Variants in AKR1D1 observed in about 807,000 individuals in gnomAD.
AKR1D1 encodes the protein delta(4)-3-ketosteroid 5-beta-reductase.
In AKR1D1, 32 loss-of-function variants were observed where a neutral mutation model predicts 42.6. The observed-to-expected ratio is 0.75, with a 90% confidence interval of 0.57 to 1.01. The LOEUF is 1.01. Ranked by LOEUF, AKR1D1 falls within the 50% of genes least tolerant of loss-of-function variation. AKR1D1 has a pLI of 0.00. For missense variants in AKR1D1, 364 were observed against 402.2 expected, an observed-to-expected ratio of 0.91 and a Z score of 0.81; for synonymous variants, 123 against 135.5, an observed-to-expected ratio of 0.91 and a Z score of 0.64.
intron 5 of AKR1D1, 21 bp downstream of exon 5, chr7:138,105,450 C>T (rs1170333682): frequency 6.2e-7 from 1 of 1,613,504 alleles, no homozygotes; most frequent in East Asian, 2.2e-5. Flanking sequence ...ATAGCTTCCA[C>T]TAGGGTGTGG....
At chr7:138,104,504 C>A (rs1176776664) in intron 4 of AKR1D1, among the ~76,000 whole-genome samples, 1 of 151,974 alleles carries the variant, frequency 6.6e-6, no homozygotes, top group African/African-American at 2.4e-5. Context: ...TCGAGACCAG[C>A]CTAACCAACA....
chr7:138,094,507 C>T (rs1382220473), intron 3 of AKR1D1, among the ~76,000 whole-genome samples: 1 of 151,578 alleles, frequency 6.6e-6, no homozygotes, highest in Non-Finnish European at 1.5e-5. Flanking sequence ...AGAGCAAGAC[C>T]CTGTCTTGGA....
At chr7:138,081,845 G>C (rs1439811146) in intron 1 of AKR1D1, among the ~76,000 whole-genome samples, 1 of 151,992 alleles carries the variant, frequency 6.6e-6, no homozygotes, top group Non-Finnish European at 1.5e-5. Context: ...GCCTCCCAAA[G>C]TGCTGGGATT....
intron 3 of AKR1D1, among the ~76,000 whole-genome samples, chr7:138,094,512 C>T (rs537163538): frequency 1.4e-4 from 21 of 151,188 alleles, no homozygotes; most frequent in Non-Finnish European, 2.1e-4. Context: ...AAGACCCTGT[C>T]TTGGAAAAAA....
intron 1 of AKR1D1, among the ~76,000 whole-genome samples, chr7:138,086,135 C>T (rs929323368): frequency 2.6e-5 from 4 of 151,888 alleles, no homozygotes; most frequent in Non-Finnish European, 5.9e-5. Context: ...TCTGGGAAGC[C>T]GAGGCTGCAG....
chr7:138,103,630 G>GT (rs1794359851), intron 4 of AKR1D1, among the ~76,000 whole-genome samples: 2 of 148,754 alleles, frequency 1.3e-5, no homozygotes, highest in Admixed American at 1.3e-4. Flanking sequence ...AACTTTACAG[G>GT]TAAAAAAAAA....
intron 3 of AKR1D1, among the ~76,000 whole-genome samples, 181 bp downstream of exon 3, chr7:138,092,065 C>T (rs887620699): frequency 1.4e-5 from 2 of 144,170 alleles, no homozygotes; most frequent in Non-Finnish European, 2.9e-5. Context: ...ATGAAGCTAG[C>T]GTATTACTTG....
At chr7:138,114,869 T>G (rs1270110988) in intron 8 of AKR1D1, among the ~76,000 whole-genome samples, 1 of 152,124 alleles carries the variant, frequency 6.6e-6, no homozygotes, top group Non-Finnish European at 1.5e-5. Context: ...AGATGATTCA[T>G]ATAGTTTGGA....
intron 1 of AKR1D1, among the ~76,000 whole-genome samples, chr7:138,081,372 C>G (rs1429726383): frequency 6.6e-6 from 1 of 152,112 alleles, no homozygotes; most frequent in Non-Finnish European, 1.5e-5. Context: ...AAGATCCACT[C>G]TCACACACAC....
chr7:138,111,660 T>G (rs1222250609), intron 7 of AKR1D1, among the ~76,000 whole-genome samples: 4 of 152,158 alleles, frequency 2.6e-5, no homozygotes, highest in Non-Finnish European at 5.9e-5. Flanking sequence ...CCACTGAAAA[T>G]TAATCCACAT....
At chr7:138,101,683 A>T (rs1197648965) in intron 4 of AKR1D1, among the ~76,000 whole-genome samples, 1 of 152,246 alleles carries the variant, frequency 6.6e-6, no homozygotes, top group African/African-American at 2.4e-5. Context: ...AATTATTTTT[A>T]AAAACAATGC....
intron 8 of AKR1D1, among the ~76,000 whole-genome samples, chr7:138,114,760 TTTC>T (rs1794604148): frequency 6.6e-6 from 1 of 152,142 alleles, no homozygotes; most frequent in African/African-American, 2.4e-5. Context: ...CATGCATTTT[TTTC>T]TTCTTAATCA....
chr7:138,107,480 A>G lies in AKR1D1; in HGVS notation c.755A>G (p.Asn252Ser), dbSNP rs1490149431. Residue 252 changes from asparagine to serine, a missense_variant, in exon 7 of 9, where the codon AAT (asparagine) becomes AGT (serine). By Grantham distance (46) the Asn-to-Ser change is conservative. Transcript: ENST00000242375. ...CTAAACTCATTGGGGAAAAGGTACA[A>G]TAAGACAGCAGCTCAAATTGTTTTG... ...ALLNSLGKRY[N>S]KTAAQIVLRF... 3.1e-6 allele frequency: 5 copies of G among 1,614,194 alleles called. No individual in the cohort carries two copies. The highest frequency in any genetic ancestry group is 4.2e-6 in the Non-Finnish European group (5 of 1,180,000).
At chr7:138,101,793 T>C (rs1794323977) in intron 4 of AKR1D1, among the ~76,000 whole-genome samples, 1 of 152,146 alleles carries the variant, frequency 6.6e-6, no homozygotes, top group Non-Finnish European at 1.5e-5. Context: ...GATCCAAAAT[T>C]CAATGGAGAG....
At chr7:138,089,626 C>T (rs574187921) in intron 2 of AKR1D1, among the ~76,000 whole-genome samples, 5 of 152,248 alleles carry the variant, frequency 3.3e-5, no homozygotes, top group African/African-American at 1.2e-4. Context: ...TGTCCTTTAA[C>T]TTTAATCCTT....
chr7:138,082,584 G>T (rs943613285), intron 1 of AKR1D1, among the ~76,000 whole-genome samples: 1 of 151,848 alleles, frequency 6.6e-6, no homozygotes, highest in Non-Finnish European at 1.5e-5. Context: ...GTAAGACAGG[G>T]TCTTACTATA....
At chr7:138,101,865 T>G (rs991533354) in intron 4 of AKR1D1, among the ~76,000 whole-genome samples, 1 of 152,178 alleles carries the variant, frequency 6.6e-6, no homozygotes, top group African/African-American at 2.4e-5. Flanking sequence ...CATCTGTAGA[T>G]TCAATGTAAT....
At chr7:138,091,625 T>A in intron 2 of AKR1D1, 143 bp from the exon 3 acceptor site, 2 of 670,808 alleles carry the variant, frequency 3.0e-6, no homozygotes, top group Non-Finnish European at 5.3e-6. Flanking sequence ...AGCCCAGGAG[T>A]TAAAGACCAG....
At chr7:138,115,874 A>G (rs990147858) in intron 8 of AKR1D1, among the ~76,000 whole-genome samples, 10 of 152,158 alleles carry the variant, frequency 6.6e-5, no homozygotes, top group African/African-American at 1.9e-4. Context: ...TTTGCTACTC[A>G]TCACCTTTCT....
Sources: gnomAD v4.1 joint callset for allele counts (sites outside exome capture counted in the v4.1 genomes callset) on GRCh38, gnomAD v4.1.1 for gene constraint, MANE v1.5 for transcripts, NCBI Gene and HGNC (gene_info 2026-07-23, HGNC 2026-07-21) for gene names.